The following FERMT1 variants were observed in gnomAD, a reference collection of about 807,000 sequenced individuals.
FERMT1 encodes FERM domain containing kindlin 1, also known as fermitin family homolog 1.
FERMT1 carries 60 observed loss-of-function variants against 85.3 expected under a neutral mutation model. The ratio of observed to expected loss-of-function variants is 0.70; its 90% CI spans 0.57 to 0.87. The LOEUF (loss-of-function observed/expected upper bound fraction) is 0.87. Among genes scored for constraint, FERMT1 ranks in the 40% least tolerant of loss-of-function variants. The pLI is 0.00. For missense variants in FERMT1, 701 were observed against 818.9 expected (o/e 0.86, Z 1.76); for synonymous variants, 275 against 301.1 (o/e 0.91, Z 0.90).
At position 6,085,104 on chromosome 20, in the gene FERMT1, C is replaced by G. The variant is rs371490137; in HGVS notation, c.1555G>C (p.Val519Leu). 4.8e-5 allele frequency: 78 copies of G among 1,614,054 alleles called. No homozygotes were observed. The highest frequency in any genetic ancestry group is 6.4e-5 in the Non-Finnish European group (76 of 1,180,020). Residue 519 changes from valine to leucine, a missense_variant, in exon 12 of 15, where the codon GTG becomes CTG. By Grantham distance (32) the Val-to-Leu change is conservative (BLOSUM62 1). Coordinates refer to ENST00000217289, the MANE Select transcript of FERMT1 (RefSeq NM_017671.5). The part of the protein sequence containing the change: ...ENMDMNPECF[V>L]SPRCAKRHKS... Reference sequence around the variant, plus strand: ...TGTCTTTTTGCACACCGTGGTGACACAAAACATTCTGGGTTCATATCCATG... The same window carrying G: ...TGTCTTTTTGCACACCGTGGTGACAGAAAACATTCTGGGTTCATATCCATG...
At chr20:6,081,337 G>T (rs1485807884) in intron 13 of FERMT1, among the ~76,000 whole-genome samples, 1 of 151,866 alleles carries the variant, frequency 6.6e-6, no homozygotes, top group African/African-American at 2.4e-5. Flanking sequence ...AGATGAGAAA[G>T]AACCAGCCAA....
At position 6,084,118 on chromosome 20, in the gene FERMT1, G is replaced by T. The variant is rs370050989; in HGVS notation, c.1640C>A (p.Pro547His). ...GAACCGCAGCTTGGCTTCGACCAGG[G>T]GCATCTGGGCCACGTTCTGGTGCGC... is the stretch of plus-strand genomic sequence containing the variant. ...LEAHQNVAQM[P>H]LVEAKLRFIQ... The change falls in exon 13 of 15, where the codon CCC becomes CAC. Residue 547 changes from proline to histidine, a missense_variant. By Grantham distance (77) the Pro-to-His change is moderately conservative. Transcript: ENST00000217289. 6.2e-7 allele frequency: 1 copy of T among 1,613,786 alleles called. No individual in the cohort carries two copies. The highest frequency in any genetic ancestry group is 8.5e-7 in the Non-Finnish European group (1 of 1,179,872).
intron 4 of FERMT1, among the ~76,000 whole-genome samples, chr20:6,111,633 AAAAAC>A (rs1982952720): frequency 2.0e-5 from 3 of 148,362 alleles, no homozygotes; most frequent in Non-Finnish European, 3.0e-5. Flanking sequence ...CTCTGTCTAA[AAAAAC>A]AAAACAAAAC....
intron 9 of FERMT1, among the ~76,000 whole-genome samples, chr20:6,091,093 G>A (rs2123109935): frequency 6.6e-6 from 1 of 152,046 alleles, no homozygotes; most frequent in South Asian, 2.1e-4. Context: ...AATTCAGGAG[G>A]CGGAGGCTGC....
rs1308393662 is a variant in FERMT1, at chr20:6,122,979, C to T, written c.-224G>A. ...GCAGGCGAAGCTGCCTCGGGACCTC[C>T]CACGGAGGCTCGGTGCCTGCCCCCA... On this transcript the variant is annotated 5_prime_UTR_variant, in exon 1 of 15. Transcript: ENST00000217289. The T allele has an allele frequency of 1.3e-5, 2 of 152,280 alleles. No homozygotes were observed. The highest frequency in any genetic ancestry group is 2.9e-5 in the Non-Finnish European group (2 of 68,108). The allele number at this position is 152,280 out of a possible 1,614,324, so 9.4% of individuals were successfully genotyped here. A position where few individuals can be genotyped will look rare whatever the true frequency, so the allele number is the denominator to read the frequency against.
intron 4 of FERMT1, among the ~76,000 whole-genome samples, chr20:6,112,242 A>C (rs1982971557): frequency 1.3e-5 from 2 of 152,164 alleles, no homozygotes; most frequent in Non-Finnish European, 2.9e-5. Flanking sequence ...AAAATTTTGC[A>C]TTCATTGGCA....
intron 6 of FERMT1, among the ~76,000 whole-genome samples, chr20:6,105,598 A>G (rs1356590013): frequency 2.0e-5 from 3 of 152,220 alleles, no homozygotes; most frequent in Non-Finnish European, 4.4e-5. Flanking sequence ...TCAATTAACT[A>G]AAAATATATT....
At chr20:6,085,830 C>A (rs1015984290) in intron 11 of FERMT1, among the ~76,000 whole-genome samples, 3 of 145,922 alleles carry the variant, frequency 2.1e-5, no homozygotes, top group Non-Finnish European at 1.5e-5. Flanking sequence ...GCCTGGGCGA[C>A]AGAACAATAC....
intron 11 of FERMT1, 73 bp from the exon 12 acceptor site, chr20:6,085,360 C>A (rs1474249925): frequency 7.4e-7 from 1 of 1,347,576 alleles, no homozygotes; most frequent in Non-Finnish European, 1.1e-6. Context: ...GGGACTTGGG[C>A]TTTCTACCCC....
Position 6,096,892 on chromosome 20 carries a change from A to C in FERMT1, c.1089+10T>G. 6.2e-7 allele frequency: 1 copy of C among 1,613,220 alleles called. No individual in the cohort carries two copies. ...AGCCACAGTTCTGGGTGATCAGAAA[A>C]AGTTCATACCAAAAGGCTGTCCGCT... On this transcript the variant is annotated intron_variant, in intron 8 of 14. Coordinates refer to ENST00000217289, the MANE Select transcript of FERMT1 (RefSeq NM_017671.5).
Position 6,119,491 on chromosome 20 carries a change from T to C in FERMT1, c.64A>G (p.Asn22Asp), listed in dbSNP as rs201029402. 110 of 1,614,136 alleles carry C rather than the reference T, an allele frequency of 6.8e-5. No homozygotes were observed. The highest frequency in any genetic ancestry group is 3.0e-4 in the Admixed American group (18 of 60,010). Residue 22 changes from asparagine (N) to aspartate (D), a missense_variant, in exon 2 of 15, where the codon AAT becomes GAT. Asn to Asp is a conservative substitution (Grantham distance 23). Coordinates refer to ENST00000217289, the MANE Select transcript of FERMT1 (RefSeq NM_017671.5). ...WELVVRVDHP[N>D]EEQQKDVTLR... ...GTGACGTCTTTCTGCTGCTCTTCAT[T>C]GGGATGGTCAACGCGGACCACAAGC...
intron 9 of FERMT1, among the ~76,000 whole-genome samples, chr20:6,091,993 T>A (rs1251998580): frequency 6.7e-6 from 1 of 149,152 alleles, no homozygotes; most frequent in African/African-American, 2.5e-5. Context: ...CTGGGTGGAG[T>A]GCAGTGGTGC....
intron 12 of FERMT1, 102 bp from the exon 13 acceptor site, chr20:6,084,266 G>C: frequency 7.9e-7 from 1 of 1,273,886 alleles, no homozygotes; most frequent in South Asian, 1.3e-5. Flanking sequence ...CTCAAGGTCC[G>C]TCTGCAGCTC....
intron 6 of FERMT1, among the ~76,000 whole-genome samples, chr20:6,105,527 G>A (rs376138726): frequency 4.6e-5 from 7 of 152,106 alleles, no homozygotes; most frequent in African/African-American, 1.4e-4. Flanking sequence ...CTTCAAGCAA[G>A]GCTCACCCAC....
intron 6 of FERMT1, among the ~76,000 whole-genome samples, chr20:6,106,685 T>A (rs1472523220): frequency 6.6e-6 from 1 of 152,192 alleles, no homozygotes; most frequent in Non-Finnish European, 1.5e-5. Context: ...TCTAATAGAC[T>A]TCAGGGGGAG....
At chr20:6,084,308 C>T in intron 12 of FERMT1, 144 bp from the exon 13 acceptor site, 2 of 921,384 alleles carry the variant, frequency 2.2e-6, no homozygotes, top group Non-Finnish European at 3.4e-6. Context: ...TCCATTCATT[C>T]TCTCTCTTTT....
intron 13 of FERMT1, among the ~76,000 whole-genome samples, 156 bp from the exon 14 acceptor site, chr20:6,079,733 T>G (rs1017765538): frequency 6.6e-6 from 1 of 152,200 alleles, no homozygotes; most frequent in Non-Finnish European, 1.5e-5. Context: ...GGCATTTTTA[T>G]TGGGATATAG....
chr20:6,081,266 T>TA lies in FERMT1; in HGVS notation c.1719-1690dup, dbSNP rs34199919. Among the ~76,000 whole-genome samples the TA allele has an allele frequency of 7.8e-3, 1,103 of 140,704 alleles. 3 individuals carry two copies. The highest frequency in any genetic ancestry group is 0.01 in the African/African-American group (400 of 38,378). 92.3% of individuals were successfully genotyped at this position (140,704 alleles called of 152,430 possible). On this transcript the variant is annotated intron_variant, in intron 13 of 14. Transcript: ENST00000217289. ...GACAGAGTGAGATCCTGCCTCTAATTAAAAAAAAAAAAAACCAAAAAACTG... is the reference window on the plus strand; with the variant it reads ...GACAGAGTGAGATCCTGCCTCTAATTAAAAAAAAAAAAAAACCAAAAAACTG...
Position 6,079,420 on chromosome 20 carries a change from A to G in FERMT1, c.1860+16T>C, listed in dbSNP as rs775906202. The G allele has an allele frequency of 5.0e-6, 8 of 1,614,042 alleles. No individual in the cohort carries two copies. In the South Asian group the frequency reaches 8.8e-5, roughly 18 times the overall value. The stretch of plus-strand genomic sequence containing the variant: ...TTTATAGGCTCAACACTGAAGAGCA[A>G]AAACTTTCACTTTACCTGCCGGGTT... On this transcript the variant is annotated intron_variant, in intron 14 of 14. Coordinates refer to ENST00000217289, the MANE Select transcript of FERMT1 (RefSeq NM_017671.5).
Sources: allele counts gnomAD v4.1 joint callset (sites outside exome capture counted in the v4.1 genomes callset), GRCh38; gene constraint gnomAD v4.1.1; transcripts MANE v1.5; gene names NCBI Gene and HGNC (gene_info 2026-07-23, HGNC 2026-07-21).